UNC13C: variants seen among roughly 807,000 people sequenced by gnomAD.
UNC13C encodes protein unc-13 homolog C.
A neutral mutation model predicts 245.4 loss-of-function variants in UNC13C; 174 were observed. The observed-to-expected ratio is 0.71, with a 90% CI of 0.63 to 0.80. UNC13C has a LOEUF of 0.80. UNC13C is among the 30% of genes least tolerant of loss of function. The pLI, the probability that UNC13C is intolerant of heterozygous loss-of-function variation, is 0.00. For synonymous variants in UNC13C, 992 were observed against 895.1 expected, an observed-to-expected ratio of 1.11 and a Z score of -1.93; for missense variants, 2,829 against 2,602.9, an observed-to-expected ratio of 1.09 and a Z score of -1.89.
chr15:53,903,255 G>A, the UNC13C span, among the ~76,000 whole-genome samples: 3 of 152,298 alleles, frequency 2.0e-5, no homozygotes, highest in East Asian at 5.8e-4. Flanking sequence ...CCCAGAAGAT[G>A]TAACATATTA....
At chr15:53,928,219 G>A in the UNC13C span, among the ~76,000 whole-genome samples, 101 of 152,244 alleles carry the variant, frequency 6.6e-4, no homozygotes, top group African/African-American at 2.4e-3. Context: ...TTTATTAACA[G>A]CAAACCAGTC....
intron 4 of UNC13C, among the ~76,000 whole-genome samples, chr15:54,158,604 C>G (rs1357659233): frequency 6.6e-6 from 1 of 152,116 alleles, no homozygotes; most frequent in Non-Finnish European, 1.5e-5. Context: ...CAGGTGTGAG[C>G]CACTGCGCTT....
chr15:54,237,413 G>T, intron 6 of UNC13C: 1 of 664,990 alleles, frequency 1.5e-6, no homozygotes, highest in South Asian at 1.6e-5. Flanking sequence ...TAGGGGTTGG[G>T]TTTGATGAGT....
chr15:54,170,430 A>G (rs1264707207), intron 4 of UNC13C, among the ~76,000 whole-genome samples: 1 of 152,186 alleles, frequency 6.6e-6, no homozygotes, highest in African/African-American at 2.4e-5. Flanking sequence ...AAGGGAGTAT[A>G]AATATATAAA....
chr15:53,947,824 T>C, the UNC13C span: 2 of 152,222 alleles, frequency 1.3e-5, no homozygotes, highest in Non-Finnish European at 2.9e-5. Flanking sequence ...GGAGGATGAC[T>C]CTTTAGGCTT....
chr15:54,253,404 A>T (rs1408096283), intron 8 of UNC13C, among the ~76,000 whole-genome samples: 2 of 152,178 alleles, frequency 1.3e-5, no homozygotes, highest in African/African-American at 4.8e-5. Context: ...CATAGATTTT[A>T]CCACCTTCTT....
intron 26 of UNC13C, among the ~76,000 whole-genome samples, chr15:54,544,516 TGC>T (rs1896399886): frequency 2.0e-5 from 3 of 152,228 alleles, no homozygotes; most frequent in Admixed American, 2.0e-4. Flanking sequence ...TGTCTCTGTT[TGC>T]AGATGACATG....
intron 30 of UNC13C, among the ~76,000 whole-genome samples, chr15:54,594,523 G>A (rs1042806463): frequency 4.6e-5 from 7 of 152,022 alleles, no homozygotes; most frequent in African/African-American, 1.7e-4. Context: ...GGGGATGGGG[G>A]TGAGAGTCCC....
At position 54,623,786 on chromosome 15, in the gene UNC13C, T is replaced by C; in HGVS notation, c.6200-9T>C. Reference sequence around the variant, plus strand: ...TGTTTGCTAAAATGTGATATTTCCTTTTTTTTAGTGATTGCTATTAATGAC... The same window carrying C: ...TGTTTGCTAAAATGTGATATTTCCTCTTTTTTAGTGATTGCTATTAATGAC... On this transcript the variant is annotated splice_polypyrimidine_tract_variant and intron_variant, in intron 31 of 32. Coordinates refer to ENST00000260323, the MANE Select transcript of UNC13C (RefSeq NM_001080534.3). 2.5e-6 allele frequency: 4 copies of C among 1,606,408 alleles called. No individual in the cohort carries two copies. Among genetic ancestry groups the C allele is most frequent in the Non-Finnish European group, 3.4e-6 (4 of 1,176,512 alleles).
intron 1 of UNC13C, among the ~76,000 whole-genome samples, chr15:54,011,377 C>A (rs1169421314): frequency 1.3e-5 from 2 of 152,082 alleles, no homozygotes; most frequent in Non-Finnish European, 1.5e-5. Flanking sequence ...AGAATTGCTA[C>A]TTTGATTTAA....
At chr15:54,483,585 T>C (rs1032270263) in intron 19 of UNC13C, among the ~76,000 whole-genome samples, 1 of 152,162 alleles carries the variant, frequency 6.6e-6, no homozygotes, top group Non-Finnish European at 1.5e-5. Context: ...AACGTCCACC[T>C]CCCGGCTTCA....
intron 24 of UNC13C, among the ~76,000 whole-genome samples, chr15:54,520,973 G>A (rs929824807): frequency 2.0e-4 from 30 of 152,066 alleles, no homozygotes; most frequent in Non-Finnish European, 4.3e-4. Context: ...ATTGTCTGTT[G>A]TTTATTTTAA....
At chr15:53,944,833 G>A in the UNC13C span, among the ~76,000 whole-genome samples, 4 of 152,164 alleles carry the variant, frequency 2.6e-5, no homozygotes, top group African/African-American at 4.8e-5. Context: ...AGCTCTCTGA[G>A]GAATTGCTAC....
intron 2 of UNC13C, among the ~76,000 whole-genome samples, chr15:54,063,284 G>A (rs1449048504): frequency 6.6e-6 from 1 of 152,140 alleles, no homozygotes; most frequent in Non-Finnish European, 1.5e-5. Context: ...TTTTAGGGAA[G>A]GGTAGTTCCA....
chr15:54,173,891 T>C (rs1302895751), intron 4 of UNC13C, among the ~76,000 whole-genome samples: 2 of 151,846 alleles, frequency 1.3e-5, no homozygotes, highest in East Asian at 3.9e-4. Flanking sequence ...TACCTAACAG[T>C]TTTTTTTAAT....
intron 19 of UNC13C, among the ~76,000 whole-genome samples, chr15:54,433,432 T>C (rs2040913105): frequency 6.6e-6 from 1 of 151,962 alleles, no homozygotes; most frequent in Non-Finnish European, 1.5e-5. Context: ...GTTCAACATA[T>C]GCAAATCAAT....
intron 23 of UNC13C, among the ~76,000 whole-genome samples, chr15:54,509,165 C>T (rs1462326815): frequency 1.3e-5 from 2 of 152,168 alleles, no homozygotes; most frequent in Admixed American, 6.5e-5. Context: ...TGCCATTGCA[C>T]TCCAGCCTGG....
At chr15:53,860,584 C>A in the UNC13C span, among the ~76,000 whole-genome samples, 2 of 152,118 alleles carry the variant, frequency 1.3e-5, no homozygotes, top group African/African-American at 2.4e-5. Flanking sequence ...TTAGAATGAC[C>A]TGAAATAGCC....
At chr15:53,982,752 G>A (rs745481368) in intron 1 of UNC13C, among the ~76,000 whole-genome samples, 1 of 151,994 alleles carries the variant, frequency 6.6e-6, no homozygotes, top group Non-Finnish European at 1.5e-5. Context: ...GTGAACTTTG[G>A]CCATCATTTT....
Sources: allele counts gnomAD v4.1 joint callset (sites outside exome capture counted in the v4.1 genomes callset), GRCh38; gene constraint gnomAD v4.1.1; transcripts MANE v1.5; gene names NCBI Gene and HGNC (gene_info 2026-07-23, HGNC 2026-07-21).